The following UNC13C variants were observed in gnomAD, a reference collection of about 807,000 sequenced individuals.
UNC13C encodes unc-13 homolog C.
A neutral mutation model predicts 245.4 loss-of-function variants in UNC13C; 174 were observed. The observed-to-expected ratio is 0.71, with a 90% CI of 0.63 to 0.80. The LOEUF (loss-of-function observed/expected upper bound fraction) is 0.80. UNC13C is among the 30% of genes least tolerant of loss of function. The probability of loss-of-function intolerance (pLI) is 0.00; values close to 1 mark genes in which losing one functional copy is unlikely to be tolerated. For missense variants in UNC13C, 2,829 were observed against 2,602.9 expected, an observed-to-expected ratio of 1.09 and a Z score of -1.89; for synonymous variants, 992 against 895.1, an observed-to-expected ratio of 1.11 and a Z score of -1.93.
rs1378218231 is a variant in UNC13C, at chr15:54,525,417, A to G, written c.5458-132A>G. On this transcript the variant is annotated intron_variant, in intron 24 of 32. Coordinates refer to ENST00000260323, the MANE Select transcript of UNC13C (RefSeq NM_001080534.3). ...TTAGATTTGATTTCAAAGACCAAAA[A>G]AAAAAAAAAAGAAGAGAAAAAAGCT... 5.4e-6 allele frequency: 3 copies of G among 558,760 alleles called. No homozygotes were observed. In the Admixed American group the frequency reaches 1.1e-4, roughly 21 times the overall value. 34.6% of individuals were successfully genotyped at this position (558,760 alleles called of 1,614,324 possible).
chr15:54,255,795 C>T (rs2036264655), intron 8 of UNC13C, among the ~76,000 whole-genome samples: 3 of 152,200 alleles, frequency 2.0e-5, no homozygotes, highest in Admixed American at 2.0e-4. Context: ...CCTTCAGGCA[C>T]TTCCCTGACC....
chr15:54,038,139 T>TTTTTTTTTC, intron 2 of UNC13C, among the ~76,000 whole-genome samples: 1 of 133,992 alleles, frequency 7.5e-6, no homozygotes, highest in Non-Finnish European at 1.6e-5. Flanking sequence ...TTTTTTTTTT[T>TTTTTTTTTC]TCCTGAGACA....
At chr15:54,220,852 C>T (rs2035204382) in intron 4 of UNC13C, among the ~76,000 whole-genome samples, 1 of 151,820 alleles carries the variant, frequency 6.6e-6, no homozygotes, top group South Asian at 2.1e-4. Context: ...TGTTTTGGTG[C>T]TTTTGGTAAG....
chr15:54,209,342 G>T (rs527428578), intron 4 of UNC13C, among the ~76,000 whole-genome samples: 1 of 152,160 alleles, frequency 6.6e-6, no homozygotes, highest in South Asian at 2.1e-4. Context: ...TAACCCAAAT[G>T]GTCTAGGGAT....
At chr15:54,203,850 G>A (rs28773860) in intron 4 of UNC13C, among the ~76,000 whole-genome samples, 50 of 23,262 alleles carry the variant, frequency 2.1e-3, no homozygotes, top group African/African-American at 5.1e-3. Flanking sequence ...ACATATACAC[G>A]TATATATACA....
downstream of UNC13C, chr15:54,630,670 C>T (rs1901440214): frequency 6.6e-6 from 1 of 152,048 alleles, no homozygotes; most frequent in African/African-American, 2.4e-5. Flanking sequence ...ATACTCAAGT[C>T]CTTTGTTTGA....
At chr15:54,143,205 T>C (rs1428627770) in intron 3 of UNC13C, among the ~76,000 whole-genome samples, 165 bp downstream of exon 3, 1 of 152,152 alleles carries the variant, frequency 6.6e-6, no homozygotes, top group Admixed American at 6.6e-5. Flanking sequence ...TCTGATATGT[T>C]GCACTTATGG....
At chr15:54,439,447 T>G (rs1181441299) in intron 19 of UNC13C, among the ~76,000 whole-genome samples, 1 of 152,012 alleles carries the variant, frequency 6.6e-6, no homozygotes, top group Non-Finnish European at 1.5e-5. Flanking sequence ...TTGATAATTT[T>G]GAAGTTATTT....
chr15:54,092,726 A>G (rs1383829890), intron 2 of UNC13C, among the ~76,000 whole-genome samples: 1 of 152,200 alleles, frequency 6.6e-6, no homozygotes. Context: ...TATCAAAACT[A>G]TAAATATACT....
rs78188070 is a variant in UNC13C, at chr15:54,584,009, C to T, written c.6106+16062C>T. Reference sequence around the variant, plus strand: ...TCCAGACTTCCCCTCGGGCTCCTGCCGCTCTCTGGACCTCTCTGGGATGTG... The same window carrying T: ...TCCAGACTTCCCCTCGGGCTCCTGCTGCTCTCTGGACCTCTCTGGGATGTG... On this transcript the variant is annotated intron_variant, in intron 30 of 32. Coordinates refer to ENST00000260323, the MANE Select transcript of UNC13C (RefSeq NM_001080534.3). 2.0e-3 allele frequency among the ~76,000 whole-genome samples: 301 copies of T among 152,250 alleles called. 4 individuals carry two copies. Among genetic ancestry groups the T allele is most frequent in the African/African-American group, 6.9e-3 (287 of 41,576 alleles).
intron 19 of UNC13C, among the ~76,000 whole-genome samples, chr15:54,457,893 T>TTG (rs1392318895): frequency 4.1e-5 from 1 of 24,530 alleles, no homozygotes; most frequent in African/African-American, 1.6e-4. Flanking sequence ...CTGCTTTTCG[T>TTG]TTTTTTTTTT....
At chr15:53,973,473 GA>G (rs1232798574), upstream of UNC13C, among the ~76,000 whole-genome samples, 3 of 151,726 alleles carry the variant, frequency 2.0e-5, no homozygotes, top group African/African-American at 7.2e-5. Flanking sequence ...ACTAAAGTCA[GA>G]AAAATAGTAC....
At chr15:54,585,305 A>G (rs1223111193) in intron 30 of UNC13C, among the ~76,000 whole-genome samples, 2 of 152,184 alleles carry the variant, frequency 1.3e-5, no homozygotes, top group South Asian at 2.1e-4. Flanking sequence ...TCTGGTTGTT[A>G]AAGAGTGTGG....
chr15:54,368,025 G>T (rs2039404314), intron 17 of UNC13C, among the ~76,000 whole-genome samples: 1 of 152,102 alleles, frequency 6.6e-6, no homozygotes, highest in Admixed American at 6.5e-5. Context: ...TGCAACTAGG[G>T]TTCACTAGGC....
chr15:53,995,735 A>G (rs1412674225), intron 1 of UNC13C, among the ~76,000 whole-genome samples: 2 of 152,128 alleles, frequency 1.3e-5, no homozygotes, highest in African/African-American at 2.4e-5. Context: ...AAGAATGCCA[A>G]GTAGTTAATG....
At position 54,285,660 on chromosome 15, in the gene UNC13C, C is replaced by A. The variant is rs193300723; in HGVS notation, c.3819-8235C>A. ...TCAACTGATGCCCTGCCTTCCAGGCCGAGCTAGAATGAGATCATTCATAAT... is the reference window on the plus strand; with the variant it reads ...TCAACTGATGCCCTGCCTTCCAGGCAGAGCTAGAATGAGATCATTCATAAT... On this transcript the variant is annotated intron_variant, in intron 10 of 32. Coordinates refer to ENST00000260323, the MANE Select transcript of UNC13C (RefSeq NM_001080534.3). Among the ~76,000 whole-genome samples, 4 of 152,040 alleles carry A rather than the reference C, an allele frequency of 2.6e-5. No homozygotes were observed. In the East Asian group the frequency reaches 7.7e-4, roughly 29 times the overall value.
chr15:54,420,974 C>T (rs1479031132), intron 19 of UNC13C, among the ~76,000 whole-genome samples: 1 of 151,962 alleles, frequency 6.6e-6, no homozygotes, highest in African/African-American at 2.4e-5. Context: ...TTAGAATCAC[C>T]AGGGGTAGAG....
rs555156656 is a variant in UNC13C, at chr15:54,445,736, G to A, written c.4933+30669G>A. 6.3e-3 allele frequency among the ~76,000 whole-genome samples: 963 copies of A among 152,276 alleles called. 11 individuals carry two copies. Among genetic ancestry groups the A allele is most frequent in the African/African-American group, 0.022 (918 of 41,546 alleles). ...GATTGCAAAAATTTTCTCCCATTCTGTAGGTTGCCTGTTCACTCTGATCGT... is the reference window on the plus strand; with the variant it reads ...GATTGCAAAAATTTTCTCCCATTCTATAGGTTGCCTGTTCACTCTGATCGT... On this transcript the variant is annotated intron_variant, in intron 19 of 32. Coordinates refer to ENST00000260323, the MANE Select transcript of UNC13C (RefSeq NM_001080534.3).
At chr15:53,844,633 C>T in the UNC13C span, among the ~76,000 whole-genome samples, 14 of 152,072 alleles carry the variant, frequency 9.2e-5, no homozygotes, top group Admixed American at 7.2e-4. Flanking sequence ...TTGAGAATGA[C>T]ATTTTTGGGT....
Sources: allele counts gnomAD v4.1 joint callset (sites outside exome capture counted in the v4.1 genomes callset), GRCh38; gene constraint gnomAD v4.1.1; transcripts MANE v1.5; gene names NCBI Gene and HGNC (gene_info 2026-07-23, HGNC 2026-07-21).